Variants in COBL observed in about 807,000 individuals in gnomAD.
COBL encodes protein cordon-bleu.
Under a neutral mutation model 98.8 loss-of-function variants are expected in COBL, and 51 were observed. The observed-to-expected ratio is 0.52, with a 90% CI of 0.41 to 0.65. COBL has a LOEUF of 0.65. Among genes scored for constraint, COBL ranks in the 30% least tolerant of loss-of-function variants. The pLI, the probability that COBL is intolerant of heterozygous loss-of-function variation, is 0.00. For missense variants in COBL, 1,617 were observed against 1,617.5 expected (o/e 1.00, Z 0.01); for synonymous variants, 634 against 651.7 (o/e 0.97, Z 0.41).
chr7:51,261,664 T>C (rs531867423), intron 1 of COBL, among the ~76,000 whole-genome samples: 1 of 152,134 alleles, frequency 6.6e-6, no homozygotes, highest in African/African-American at 2.4e-5. Flanking sequence ...CCTGGAGGTG[T>C]TGAAAGAAGG....
At chr7:51,291,882 C>T (rs1236456762) in intron 1 of COBL, among the ~76,000 whole-genome samples, 1 of 152,132 alleles carries the variant, frequency 6.6e-6, no homozygotes. Context: ...GAAGTGGGGC[C>T]AGGCACAGTG....
intron 4 of COBL, among the ~76,000 whole-genome samples, chr7:51,187,329 T>C (rs201559438): frequency 0.025 from 3,565 of 142,306 alleles, 113 homozygotes; most frequent in African/African-American, 0.084. Context: ...TATATATATA[T>C]ATACACACAC....
Position 51,028,204 on chromosome 7 carries a change from C to T in COBL, c.2892G>A (p.Gln964=), listed in dbSNP as rs1383270251. The change falls in exon 10 of 13, where the codon CAG becomes CAA. Residue 964 remains glutamine, a synonymous_variant. Transcript: ENST00000265136. ...VIGPHRKLST[Q]DRPAAIHRSS... is the part of the protein sequence containing the mutation. The stretch of plus-strand genomic sequence containing the variant: ...TTCTGTGGATAGCAGCAGGTCTGTC[C>T]TGAGTAGACAACTTCCTGTGTGGGC... The T allele has an allele frequency of 1.2e-6, 2 of 1,614,242 alleles. No homozygotes were observed. The highest frequency in any genetic ancestry group is 3.3e-5 in the Admixed American group (2 of 60,032).
chr7:51,130,003 C>G (rs78711794), intron 6 of COBL, among the ~76,000 whole-genome samples: 1 of 152,074 alleles, frequency 6.6e-6, no homozygotes, highest in Admixed American at 6.6e-5. Flanking sequence ...TGCTTGAGCC[C>G]GGGAGTGCAG....
chr7:51,124,958 T>C (rs988546552), intron 6 of COBL, among the ~76,000 whole-genome samples: 1 of 152,178 alleles, frequency 6.6e-6, no homozygotes, highest in Non-Finnish European at 1.5e-5. Flanking sequence ...ATTACAGGCA[T>C]ATGCCACCAC....
intron 3 of COBL, among the ~76,000 whole-genome samples, chr7:51,191,700 A>G (rs2129057407): frequency 6.6e-6 from 1 of 152,298 alleles, no homozygotes; most frequent in East Asian, 1.9e-4. Flanking sequence ...CACCAGGCAT[A>G]TATAATAATC....
chr7:51,144,893 C>T (rs1218209470), intron 5 of COBL, among the ~76,000 whole-genome samples: 4 of 152,190 alleles, frequency 2.6e-5, no homozygotes, highest in Admixed American at 6.5e-5. Flanking sequence ...TTGTTAAGGC[C>T]GAATGTTTGA....
intron 12 of COBL, among the ~76,000 whole-genome samples, chr7:51,019,074 T>C (rs1214840388): frequency 4.0e-5 from 6 of 151,162 alleles, no homozygotes; most frequent in Non-Finnish European, 7.4e-5. Flanking sequence ...ACCTCTGATC[T>C]ACTTGTACAA....
intron 7 of COBL, among the ~76,000 whole-genome samples, chr7:51,070,660 T>C (rs1016143439): frequency 6.6e-6 from 1 of 152,214 alleles, no homozygotes; most frequent in Non-Finnish European, 1.5e-5. Context: ...TTACATGAGC[T>C]ATGGAAGTTG....
intron 7 of COBL, among the ~76,000 whole-genome samples, chr7:51,055,630 G>C (rs895539072): frequency 6.6e-6 from 1 of 152,204 alleles, no homozygotes; most frequent in Non-Finnish European, 1.5e-5. Flanking sequence ...CAGTGGGGCT[G>C]GGGTGGGCCC....
In COBL at chr7:51,029,252, AAGGCCACAC is replaced by A; in HGVS notation, c.1835_1843del (p.Arg612_Ala614del). 1 of 1,612,890 alleles carries A rather than the reference AAGGCCACAC, an allele frequency of 6.2e-7. No individual in the cohort carries two copies. Among genetic ancestry groups the A allele is most frequent in the Non-Finnish European group, 8.5e-7 (1 of 1,179,340 alleles). On this transcript the variant is annotated inframe_deletion, in exon 10 of 13. Transcript: ENST00000265136. The stretch of plus-strand genomic sequence containing the variant: ...ATTCCCATCTTTAGAGATGTTAGAT[AAGGCCACAC>A]GGATTCCTTTTCCGACGTCATGGGA...
At chr7:51,225,607 G>A (rs936582896) in intron 1 of COBL, among the ~76,000 whole-genome samples, 2 of 152,186 alleles carry the variant, frequency 1.3e-5, no homozygotes, top group Non-Finnish European at 2.9e-5. Context: ...GGCAGGAACT[G>A]TTTATAAAAT....
rs142115083 is a variant in COBL, at chr7:51,111,299, A to G, written c.957+24859T>C. On this transcript the variant is annotated intron_variant, in intron 6 of 12. Coordinates refer to ENST00000265136, the MANE Select transcript of COBL (RefSeq NM_015198.5). ...CTTACATTCCCACCAAGAGTGCATA[A>G]GCATCCCCTTTCTCCATATCCTTGC... 9.2e-5 allele frequency among the ~76,000 whole-genome samples: 14 copies of G among 152,274 alleles called. No homozygotes were observed. The East Asian group carries it at 2.7e-3, about 29-fold the overall frequency.
rs73695276 is a variant in COBL, at chr7:51,079,576, T to C, written c.1096+5590A>G. On this transcript the variant is annotated intron_variant, in intron 7 of 12. Coordinates refer to ENST00000265136, the MANE Select transcript of COBL (RefSeq NM_015198.5). ...AACAGGTGTGTGTAATATGGTATAG[T>C]GAGTACAGTAAAGGATAAATGCCTA... Among the ~76,000 whole-genome samples, 744 of 152,262 alleles carry C rather than the reference T, an allele frequency of 4.9e-3. 6 individuals carry two copies. The highest frequency in any genetic ancestry group is 0.017 in the African/African-American group (703 of 41,538).
chr7:51,129,188 A>G (rs143722243), intron 6 of COBL, among the ~76,000 whole-genome samples: 1 of 152,250 alleles, frequency 6.6e-6, no homozygotes, highest in African/African-American at 2.4e-5. Context: ...GGAGGCTTAT[A>G]AACAACAGAC....
intron 2 of COBL, among the ~76,000 whole-genome samples, chr7:51,206,039 C>A (rs1791665786): frequency 6.6e-6 from 1 of 152,122 alleles, no homozygotes. Flanking sequence ...CAAAAAATAG[C>A]AAGTGTTGGT....
chr7:51,072,304 G>A (rs1338845725), intron 7 of COBL: 1 of 152,162 alleles, frequency 6.6e-6, no homozygotes, highest in Non-Finnish European at 1.5e-5. Context: ...TTTAACATAT[G>A]ACTATTTTTA....
intron 7 of COBL, among the ~76,000 whole-genome samples, chr7:51,084,247 CAGA>C (rs1415094784): frequency 6.6e-6 from 1 of 152,160 alleles, no homozygotes; most frequent in African/African-American, 2.4e-5. Flanking sequence ...CCACTTATCT[CAGA>C]AGGACTTTCC....
At chr7:51,082,407 A>T (rs998423196) in intron 7 of COBL, among the ~76,000 whole-genome samples, 2 of 152,176 alleles carry the variant, frequency 1.3e-5, no homozygotes, top group African/African-American at 4.8e-5. Flanking sequence ...GCCTGTCCGG[A>T]GGTGGGAATG....
Sources: gnomAD v4.1 joint callset for allele counts (sites outside exome capture counted in the v4.1 genomes callset) on GRCh38, gnomAD v4.1.1 for gene constraint, MANE v1.5 for transcripts, NCBI Gene and HGNC (gene_info 2026-07-23, HGNC 2026-07-21) for gene names.